ZNF619: variants seen among roughly 807,000 people sequenced by gnomAD.
ZNF619 encodes zinc finger protein 619.
In ZNF619, 9 loss-of-function variants were observed where a neutral mutation model predicts 14.2. The observed-to-expected ratio is 0.64, with a 90% confidence interval of 0.38 to 1.11. The LOEUF is 1.11. Among genes scored for constraint, ZNF619 ranks in the 50% least tolerant of loss-of-function variants. The pLI, the probability that ZNF619 is intolerant of heterozygous loss-of-function variation, is 0.01. For missense variants in ZNF619, 659 were observed against 680.1 expected, an observed-to-expected ratio of 0.97 and a Z score of 0.34; for synonymous variants, 246 against 252.8, an observed-to-expected ratio of 0.97 and a Z score of 0.26.
chr3:40,487,016 A>ACAGTCCAGGAAGATTCAT lies in ZNF619; in HGVS notation c.506_507insCAGTCCAGGAAGATTCAT (p.Glu169delinsAspSerProGlyArgPheIle). The ACAGTCCAGGAAGATTCAT allele has an allele frequency of 6.2e-7, 1 of 1,614,156 alleles. No individual in the cohort carries two copies. Among genetic ancestry groups the ACAGTCCAGGAAGATTCAT allele is most frequent in the South Asian group, 1.1e-5 (1 of 91,084 alleles). On this transcript the variant is annotated protein_altering_variant, in exon 5 of 5. Transcript: ENST00000432264. ...ACAGATTTGACAGTCCAGGATCATG[A>ACAGTCCAGGAAGATTCAT]ATCTTCCACCACTGAAAGGGAGGAG... is the stretch of plus-strand genomic sequence containing the variant.
At position 40,483,824 on chromosome 3, in the gene ZNF619, C is replaced by T. The variant is rs1408294803; in HGVS notation, c.295+1120C>T. ...TGTATTTTTAGTAGAGATGGGGTTTCGCCATGTTGGTCAGGCTGGTCTCGA... is the reference window on the plus strand; with the variant it reads ...TGTATTTTTAGTAGAGATGGGGTTTTGCCATGTTGGTCAGGCTGGTCTCGA... On this transcript the variant is annotated intron_variant, in intron 4 of 4. Coordinates refer to ENST00000432264, the MANE Select transcript of ZNF619 (RefSeq NM_001145093.4). 2.4e-5 allele frequency: 8 copies of T among 329,346 alleles called. No individual in the cohort carries two copies. In the East Asian group the frequency reaches 4.3e-4, roughly 18 times the overall value. The allele number at this position is 329,346 out of a possible 1,614,324, so 20.4% of individuals were successfully genotyped here.
In ZNF619 at chr3:40,485,649, CTGTG is replaced by C. The variant is rs71618940; in HGVS notation, c.296-1136_296-1133del. On this transcript the variant is annotated intron_variant, in intron 4 of 4. Transcript: ENST00000432264. ...GGACATTGTTTTGTTTCGGTTTCAG[CTGTG>C]TGTGTGTGTGTGTGTGTGTGCACAT... is the stretch of plus-strand genomic sequence containing the variant. Among the ~76,000 whole-genome samples the C allele has an allele frequency of 4.1e-4, 61 of 148,924 alleles. No individual in the cohort carries two copies. The South Asian group carries it at 9.2e-3, about 22-fold the overall frequency.
At chr3:40,482,313 A>T (rs1697429711) in intron 3 of ZNF619, 1 of 1,552,554 alleles carries the variant, frequency 6.4e-7, no homozygotes, top group Non-Finnish European at 8.7e-7. Flanking sequence ...TCCATCTTCC[A>T]GTTCCCTGGA....
At position 40,490,906 on chromosome 3, in the gene ZNF619, G is replaced by C. The variant is rs925366760; in HGVS notation, c.*2665G>C. Among the ~76,000 whole-genome samples the C allele has an allele frequency of 1.3e-5, 2 of 152,132 alleles. No individual in the cohort carries two copies. The highest frequency in any genetic ancestry group is 4.8e-5 in the African/African-American group (2 of 41,428). On this transcript the variant is annotated 3_prime_UTR_variant, in exon 5 of 5. Coordinates refer to ENST00000432264, the MANE Select transcript of ZNF619 (RefSeq NM_001145093.4). ...ATGGCTTTATAAGAAGAGGAAGGGA[G>C]ACCTGAGCTGACATGCATGCTCTTG...
At chr3:40,477,454 G>A (rs988823364) in intron 1 of ZNF619, 97 bp downstream of exon 1, 1 of 157,694 alleles carries the variant, frequency 6.3e-6, no homozygotes, top group African/African-American at 2.4e-5. Context: ...AGCATCACCC[G>A]CTGGGACATT....
intron 2 of ZNF619, 95 bp from the exon 3 acceptor site, chr3:40,481,768 T>C: frequency 6.7e-7 from 1 of 1,497,008 alleles, no homozygotes; most frequent in Non-Finnish European, 8.9e-7. Flanking sequence ...TGGCTCTCCT[T>C]GCCAGTACAA....
intron 3 of ZNF619, 109 bp from the exon 4 acceptor site, chr3:40,482,479 A>G (rs748069180): frequency 3.2e-6 from 5 of 1,550,928 alleles, no homozygotes; most frequent in Admixed American, 1.7e-5. Context: ...GACTTCACTT[A>G]GTCTCCTGGG....
chr3:40,487,038 G>A lies in ZNF619; in HGVS notation c.528G>A (p.Glu176=). ...ATGAATCTTCCACCACTGAAAGGGA[G>A]GAGATAGCCAGGAAATTGGAAGAAA... ...QDHESSTTER[E]EIARKLEESS... The change falls in exon 5 of 5, where the codon GAG becomes GAA. Residue 176 remains glutamate, a synonymous_variant. Transcript: ENST00000432264. The A allele has an allele frequency of 6.2e-7, 1 of 1,614,162 alleles. No homozygotes were observed.
chr3:40,477,528 T>A (rs1697233301), intron 1 of ZNF619, among the ~76,000 whole-genome samples, 171 bp downstream of exon 1: 1 of 152,126 alleles, frequency 6.6e-6, no homozygotes, highest in Non-Finnish European at 1.5e-5. Context: ...CAGCCTGTGG[T>A]TTGTTTAGGG....
rs2125646106 is a variant in ZNF619 at position 40,488,182 on chromosome 3, C to G, written c.1672C>G (p.Leu558Val). 4 of 1,612,382 alleles carry G rather than the reference C, an allele frequency of 2.5e-6. No individual in the cohort carries two copies. Among genetic ancestry groups the G allele is most frequent in the Non-Finnish European group, 3.4e-6 (4 of 1,178,922 alleles). Residue 558 changes from leucine (L) to valine (V), a missense_variant, in exon 5 of 5, where the codon CTC (leucine) becomes GTC (valine). Leu to Val is a conservative substitution (Grantham distance 32, BLOSUM62 1). Transcript: ENST00000432264. ...CCAAATAGCACATTTTTTTCAGGAT[C>G]TCGCTTTTCCTGGGAAGTCATCCCT... Reference protein sequence around the residue: ...PVQIAHFFQDLAFPGKSSLQS... With the variant: ...PVQIAHFFQDVAFPGKSSLQS...
Position 40,481,930 on chromosome 3 carries a change from A to AGAAT in ZNF619, c.98_101dup (p.Trp34Ter), listed in dbSNP as rs769017097. On this transcript the variant is annotated frameshift_variant, in exon 3 of 5. Transcript: ENST00000432264. LOFTEE classifies it high-confidence loss of function. Reference sequence around the variant, plus strand: ...GAGGATGTGGCTGTGTACTTCACCCAGAATGAATGGGCCAGCCTGCACCCT... The same window carrying AGAAT: ...GAGGATGTGGCTGTGTACTTCACCCAGAATGAATGAATGGGCCAGCCTGCACCCT... The AGAAT allele has an allele frequency of 2.7e-5, 44 of 1,613,944 alleles. No homozygotes were observed. The African/African-American group carries it at 5.2e-4, about 19-fold the overall frequency.
intron 2 of ZNF619, among the ~76,000 whole-genome samples, chr3:40,480,420 C>T (rs982930723): frequency 7.2e-5 from 11 of 151,844 alleles, no homozygotes; most frequent in Non-Finnish European, 1.3e-4. Context: ...TTCTGCTTCT[C>T]ATCAAAATTT....
Position 40,490,634 on chromosome 3 carries a change from G to C in ZNF619, c.*2393G>C, listed in dbSNP as rs1006183109. On this transcript the variant is annotated 3_prime_UTR_variant, in exon 5 of 5. Coordinates refer to ENST00000432264, the MANE Select transcript of ZNF619 (RefSeq NM_001145093.4). ...TGCTTAACAAAATGACAAGGATACAGACCTTTATGATGATCCATATAATAT... is the reference window on the plus strand; with the variant it reads ...TGCTTAACAAAATGACAAGGATACACACCTTTATGATGATCCATATAATAT... 1.3e-5 allele frequency among the ~76,000 whole-genome samples: 2 copies of C among 152,016 alleles called. No homozygotes were observed. Among genetic ancestry groups the C allele is most frequent in the South Asian group, 4.2e-4 (2 of 4,814 alleles).
Position 40,487,447 on chromosome 3 carries a change from G to C in ZNF619, c.937G>C (p.Glu313Gln), listed in dbSNP as rs765423437. ...TCGGCATCAGAGAATCCATACTGGG[G>C]AGAAGCCCTTTAAATGTAAGGAATG... is the stretch of plus-strand genomic sequence containing the variant. ...LIRHQRIHTG[E>Q]KPFKCKECGK... Residue 313 changes from glutamate (E) to glutamine (Q), a missense_variant, in exon 5 of 5, where the codon GAG becomes CAG. Glu to Gln is a conservative substitution (Grantham distance 29). Coordinates refer to ENST00000432264, the MANE Select transcript of ZNF619 (RefSeq NM_001145093.4). 1.7e-5 allele frequency: 27 copies of C among 1,614,186 alleles called. No individual in the cohort carries two copies. The South Asian group carries it at 2.1e-4, about 12-fold the overall frequency.
rs1473721368 is a variant in ZNF619 at position 40,487,183 on chromosome 3, G to A, written c.673G>A (p.Val225Ile). Residue 225 changes from valine (V) to isoleucine (I), a missense_variant, in exon 5 of 5, where the codon GTT (valine) becomes ATT (isoleucine). By Grantham distance (29) the Val-to-Ile change is conservative. Transcript: ENST00000432264. ...TTCAGACTTTCACCTGCATCAGAGA[G>A]TTCACACTAATGAGAAGCCCTACAC... ...PHSDFHLHQR[V>I]HTNEKPYTCK... 1 of 1,614,164 alleles carries A rather than the reference G, an allele frequency of 6.2e-7. No homozygotes were observed. Among genetic ancestry groups the A allele is most frequent in the South Asian group, 1.1e-5 (1 of 91,090 alleles).
In ZNF619 at chr3:40,486,927, C is replaced by G. The variant is rs1232578630; in HGVS notation, c.417C>G (p.Phe139Leu). Residue 139 changes from phenylalanine to leucine, a missense_variant, in exon 5 of 5, where the codon TTC becomes TTG. Coordinates refer to ENST00000432264, the MANE Select transcript of ZNF619 (RefSeq NM_001145093.4). ...TGGACGTTCCCCAGCACCCTGACTT[C>G]AAGGACAGGTTAGAGAAGTCACAGC... ...LLMDVPQHPD[F>L]KDRLEKSQLH... 1.9e-6 allele frequency: 3 copies of G among 1,614,138 alleles called. No individual in the cohort carries two copies. Among genetic ancestry groups the G allele is most frequent in the East Asian group, 2.2e-5 (1 of 44,878 alleles).
chr3:40,484,626 A>G (rs1010190021), intron 4 of ZNF619, among the ~76,000 whole-genome samples: 4 of 152,186 alleles, frequency 2.6e-5, no homozygotes, highest in Non-Finnish European at 5.9e-5. Flanking sequence ...CCCTTGCCAC[A>G]GGTGTACATT....
Position 40,488,231 on chromosome 3 carries a change from A to G in ZNF619, c.1721A>G (p.His574Arg), listed in dbSNP as rs746652970. The change falls in exon 5 of 5, where the codon CAC becomes CGC. Residue 574 changes from histidine (H) to arginine (R), a missense_variant. Coordinates refer to ENST00000432264, the MANE Select transcript of ZNF619 (RefSeq NM_001145093.4). ...SSLQSPNPLS[H>R]SL ...CTTCAGAGCCCGAATCCTTTGTCTCACTCCCTGTAAGCCCCGTCACGTTCT... is the reference window on the plus strand; with the variant it reads ...CTTCAGAGCCCGAATCCTTTGTCTCGCTCCCTGTAAGCCCCGTCACGTTCT... The G allele has an allele frequency of 6.5e-6, 10 of 1,537,410 alleles. No individual in the cohort carries two copies. Among genetic ancestry groups the G allele is most frequent in the Non-Finnish European group, 8.9e-6 (10 of 1,121,182 alleles).
At position 40,481,919 on chromosome 3, in the gene ZNF619, G is replaced by A. The variant is rs562060579; in HGVS notation, c.81G>A (p.Val27=). The A allele has an allele frequency of 5.6e-6, 9 of 1,613,896 alleles. No individual in the cohort carries two copies. The South Asian group carries it at 6.6e-5, about 12-fold the overall frequency. The stretch of plus-strand genomic sequence containing the variant: ...CAGTAACCTTTGAGGATGTGGCTGT[G>A]TACTTCACCCAGAATGAATGGGCCA... The part of the protein sequence containing the change: ...QEPVTFEDVA[V]YFTQNEWASL... The change falls in exon 3 of 5, where the codon GTG becomes GTA. Residue 27 remains valine, a synonymous_variant. Coordinates refer to ENST00000432264, the MANE Select transcript of ZNF619 (RefSeq NM_001145093.4).
Sources: gnomAD v4.1 joint callset for allele counts (sites outside exome capture counted in the v4.1 genomes callset) on GRCh38, gnomAD v4.1.1 for gene constraint, MANE v1.5 for transcripts, NCBI Gene and HGNC (gene_info 2026-07-23, HGNC 2026-07-21) for gene names.